Variants in LASP1 observed in about 807,000 individuals in gnomAD.
The protein encoded by LASP1 is LIM and SH3 domain protein 1.
A neutral mutation model predicts 38.6 loss-of-function variants in LASP1; 10 were observed. That is an observed-to-expected ratio of 0.26 (90% CI 0.16 to 0.44). The LOEUF is 0.44. Ranked by LOEUF, LASP1 falls within the 20% of genes least tolerant of loss-of-function variation. The pLI is 1.00. For synonymous variants in LASP1, 132 were observed against 140.8 expected, an observed-to-expected ratio of 0.94 and a Z score of 0.44; for missense variants, 243 against 375.7, an observed-to-expected ratio of 0.65 and a Z score of 2.92.
rs1448194612 is a variant in LASP1 at position 38,876,589 on chromosome 17, C to CCCAACCTCCAGTAATCCGCCTG, written c.70-1493_70-1472dup. ...ATGTTGGCCAGGCTGGTCTTGAACT[C>CCCAACCTCCAGTAATCCGCCTG]CCAACCTCCAGTAATCCGCCTGCCA... On this transcript the variant is annotated intron_variant, in intron 1 of 6. Coordinates refer to ENST00000318008, the MANE Select transcript of LASP1 (RefSeq NM_006148.4). Among the ~76,000 whole-genome samples the CCCAACCTCCAGTAATCCGCCTG allele has an allele frequency of 2.5e-4, 38 of 152,054 alleles. 1 individual carries two copies. The highest frequency in any genetic ancestry group is 1.6e-3 in the East Asian group (8 of 5,152).
chr17:38,898,713 C>T (rs78076914), intron 4 of LASP1, 194 bp downstream of exon 4: 64,694 of 656,844 alleles, frequency 0.098, 3,940 homozygotes, highest in Non-Finnish European at 0.13. Flanking sequence ...ACCACCAGCA[C>T]GCATAGCATT....
At chr17:38,911,054 G>A (rs1214833166) in intron 4 of LASP1, among the ~76,000 whole-genome samples, 3 of 152,176 alleles carry the variant, frequency 2.0e-5, no homozygotes, top group Non-Finnish European at 4.4e-5. Context: ...CAAAGCTCAA[G>A]GGTCTCCAGG....
At position 38,878,129 on chromosome 17, in the gene LASP1, C is replaced by T. The variant is rs1338757796; in HGVS notation, c.113C>T (p.Thr38Ile). Residue 38 changes from threonine (T) to isoleucine (I), a missense_variant, in exon 2 of 7, where the codon ACA (threonine) becomes ATA (isoleucine). This residue lies in a region of LASP1 where 43 missense variants were observed against 108.3 expected (regional missense o/e 0.40). Transcript: ENST00000318008. ...ACFHCETCKM[T>I]LNMKNYKGYE... Reference sequence around the variant, plus strand: ...TTCCATTGCGAGACCTGCAAGATGACACTGAACATGAAGAACTACAAGGGC... The same window carrying T: ...TTCCATTGCGAGACCTGCAAGATGATACTGAACATGAAGAACTACAAGGGC... 3 of 1,614,014 alleles carry T rather than the reference C, an allele frequency of 1.9e-6. No individual in the cohort carries two copies. The highest frequency in any genetic ancestry group is 2.5e-6 in the Non-Finnish European group (3 of 1,179,934).
intron 3 of LASP1, 116 bp from the exon 4 acceptor site, chr17:38,898,296 C>CT (rs1209682471): frequency 3.2e-6 from 2 of 623,614 alleles, no homozygotes; most frequent in Non-Finnish European, 5.6e-6. Context: ...TGATCAGGGT[C>CT]TTTCTGCTGA....
intron 3 of LASP1, among the ~76,000 whole-genome samples, chr17:38,897,646 G>A (rs1425291677): frequency 6.6e-6 from 1 of 152,184 alleles, no homozygotes; most frequent in East Asian, 1.9e-4. Flanking sequence ...GGGGTGGAAG[G>A]GTTCTTCCCT....
At chr17:38,898,796 C>T in intron 4 of LASP1, 1 of 523,650 alleles carries the variant, frequency 1.9e-6, no homozygotes, top group South Asian at 1.5e-5. Context: ...GACTGTTGTT[C>T]TTTTTTCTGG....
Position 38,920,477 on chromosome 17 carries a change from T to A in LASP1, c.*1699T>A, listed in dbSNP as rs1760108581. 2.2e-5 allele frequency: 6 copies of A among 269,446 alleles called. No individual in the cohort carries two copies. Among genetic ancestry groups the A allele is most frequent in the Non-Finnish European group, 3.6e-5 (5 of 137,928 alleles). 16.7% of individuals were successfully genotyped at this position (269,446 alleles called of 1,614,324 possible). On this transcript the variant is annotated 3_prime_UTR_variant, in exon 7 of 7. Coordinates refer to ENST00000318008, the MANE Select transcript of LASP1 (RefSeq NM_006148.4). Reference sequence around the variant, plus strand: ...TCACTTGATTCATCTCTGGTTTTCTTGCCACCCTCTGGGAGTCCCCATCCC... The same window carrying A: ...TCACTTGATTCATCTCTGGTTTTCTAGCCACCCTCTGGGAGTCCCCATCCC...
At chr17:38,884,171 C>T (rs1319865980) in intron 2 of LASP1, among the ~76,000 whole-genome samples, 2 of 152,048 alleles carry the variant, frequency 1.3e-5, no homozygotes, top group South Asian at 2.1e-4. Flanking sequence ...GCTGGGCTTT[C>T]GGGTTCGCTA....
intron 3 of LASP1, among the ~76,000 whole-genome samples, chr17:38,892,039 T>C (rs1351758965): frequency 6.6e-6 from 1 of 152,056 alleles, no homozygotes; most frequent in Non-Finnish European, 1.5e-5. Context: ...CAGTGAGCCA[T>C]GATCGCACCA....
intron 2 of LASP1, among the ~76,000 whole-genome samples, chr17:38,878,657 A>C (rs1913852991): frequency 6.6e-6 from 1 of 152,034 alleles, no homozygotes; most frequent in South Asian, 2.1e-4. Context: ...TCACCTGGGT[A>C]CTTCTAGGCT....
chr17:38,913,357 C>T (rs998522191), intron 4 of LASP1, among the ~76,000 whole-genome samples: 8 of 152,194 alleles, frequency 5.3e-5, no homozygotes, highest in Admixed American at 2.6e-4. Context: ...CAGGGAGGGT[C>T]TGGCAGTTTT....
intron 1 of LASP1, among the ~76,000 whole-genome samples, chr17:38,874,331 T>TCGGA (rs1913696592): frequency 6.6e-6 from 1 of 151,642 alleles, no homozygotes; most frequent in South Asian, 2.1e-4. Flanking sequence ...CACTGTGGGG[T>TCGGA]CCTCTGGACA....
chr17:38,914,588 A>G (rs1249725513), intron 5 of LASP1, 113 bp downstream of exon 5: 3 of 1,306,780 alleles, frequency 2.3e-6, no homozygotes, highest in Non-Finnish European at 2.1e-6. Context: ...GCTCTTAATC[A>G]ACAGGCGATT....
chr17:38,888,442 TA>T (rs1314571531), intron 2 of LASP1, among the ~76,000 whole-genome samples: 1 of 152,162 alleles, frequency 6.6e-6, no homozygotes, highest in Non-Finnish European at 1.5e-5. Flanking sequence ...GGTGCCCGGC[TA>T]ATTTTTGTAT....
intron 3 of LASP1, among the ~76,000 whole-genome samples, chr17:38,892,771 G>A (rs1334681840): frequency 6.6e-6 from 1 of 152,222 alleles, no homozygotes; most frequent in African/African-American, 2.4e-5. Context: ...GTTGGCAGGG[G>A]CTGCTTCTGC....
intron 2 of LASP1, among the ~76,000 whole-genome samples, chr17:38,886,272 G>A (rs1041152911): frequency 6.6e-6 from 1 of 150,852 alleles, no homozygotes; most frequent in Non-Finnish European, 1.5e-5. Flanking sequence ...AGGCAGAGTC[G>A]TCTCGCCAGG....
chr17:38,870,283 T>G, intron 1 of LASP1, 25 bp downstream of exon 1: 1 of 1,611,694 alleles, frequency 6.2e-7, no homozygotes, highest in African/African-American at 1.3e-5. Context: ...GGGAGACGCG[T>G]CTTTGCAATC....
At chr17:38,880,020 C>T (rs1489056340) in intron 2 of LASP1, among the ~76,000 whole-genome samples, 3 of 152,190 alleles carry the variant, frequency 2.0e-5, no homozygotes, top group Non-Finnish European at 4.4e-5. Flanking sequence ...CAACCCCTCC[C>T]ACCCCCACAA....
intron 2 of LASP1, among the ~76,000 whole-genome samples, chr17:38,889,529 C>A (rs1348749777): frequency 6.6e-6 from 1 of 152,166 alleles, no homozygotes; most frequent in Non-Finnish European, 1.5e-5. Context: ...CGTGATGCCA[C>A]AAGGGAAAAT....
Sources: gnomAD v4.1 joint callset for allele counts (sites outside exome capture counted in the v4.1 genomes callset) on GRCh38, gnomAD v4.1.1 for gene constraint, gnomAD v4.1.1 regional missense constraint, MANE v1.5 for transcripts, NCBI Gene and HGNC (gene_info 2026-07-23, HGNC 2026-07-21) for gene names.